LINGO2: variants seen among roughly 807,000 people sequenced by gnomAD.
The protein encoded by LINGO2 is leucine-rich repeat and immunoglobulin-like domain-containing nogo receptor-interacting protein 2.
In LINGO2, 14 loss-of-function variants were observed where a neutral mutation model predicts 30.6. The ratio of observed to expected loss-of-function variants is 0.46; its 90% confidence interval spans 0.30 to 0.72. LINGO2 has a LOEUF of 0.72. LINGO2 is among the 30% of genes least tolerant of loss of function. LINGO2 has a pLI of 0.07. For synonymous variants in LINGO2, 317 were observed against 288.5 expected, an observed-to-expected ratio of 1.10 and a Z score of -1.00; for missense variants, 729 against 751.7, an observed-to-expected ratio of 0.97 and a Z score of 0.35.
chr9:28,979,455 A>C, the LINGO2 span, among the ~76,000 whole-genome samples: 5 of 151,806 alleles, frequency 3.3e-5, no homozygotes, highest in African/African-American at 1.2e-4. Flanking sequence ...CTCATGTCCA[A>C]ATATATCACA....
At chr9:28,611,335 C>T (rs1825905963) in intron 1 of LINGO2, among the ~76,000 whole-genome samples, 1 of 151,242 alleles carries the variant, frequency 6.6e-6, no homozygotes, top group Non-Finnish European at 1.5e-5. Context: ...TCCATCATCT[C>T]ACAATGTTAA....
chr9:28,198,439 G>A (rs971487425), intron 4 of LINGO2, among the ~76,000 whole-genome samples: 3 of 152,086 alleles, frequency 2.0e-5, no homozygotes, highest in African/African-American at 7.2e-5. Flanking sequence ...GGCAACAGAA[G>A]CCAATTTACT....
At chr9:28,717,398 G>A in the LINGO2 span, among the ~76,000 whole-genome samples, 8 of 151,394 alleles carry the variant, frequency 5.3e-5, no homozygotes, top group Admixed American at 5.3e-4. Context: ...TGTTATTAAG[G>A]TCTAGGGACA....
At chr9:29,102,361 G>T in the LINGO2 span, among the ~76,000 whole-genome samples, 1 of 152,086 alleles carries the variant, frequency 6.6e-6, no homozygotes, top group Admixed American at 6.6e-5. Flanking sequence ...GATTACAGGC[G>T]TGAGCCACCA....
chr9:28,950,438 A>G, the LINGO2 span, among the ~76,000 whole-genome samples: 1 of 152,184 alleles, frequency 6.6e-6, no homozygotes, highest in African/African-American at 2.4e-5. Flanking sequence ...TCAAATAGGA[A>G]GAGAGAAAGT....
At chr9:27,939,728 C>G in the LINGO2 span, 4 of 152,280 alleles carry the variant, frequency 2.6e-5, no homozygotes, top group East Asian at 7.7e-4. Flanking sequence ...GCTAATAGCC[C>G]ATGGCTAAAG....
chr9:28,348,188 C>T (rs372706689), intron 3 of LINGO2, among the ~76,000 whole-genome samples: 76 of 152,210 alleles, frequency 5.0e-4, no homozygotes, highest in South Asian at 2.7e-3. Flanking sequence ...CAGCTCCCAG[C>T]GTGAGCGACG....
At chr9:29,109,376 G>A in the LINGO2 span, among the ~76,000 whole-genome samples, 2 of 151,852 alleles carry the variant, frequency 1.3e-5, no homozygotes, top group Non-Finnish European at 2.9e-5. Context: ...TATAAAAGAA[G>A]AAAAAATGAT....
At position 28,592,706 on chromosome 9, in the gene LINGO2, C is replaced by T. The variant is rs1248248657; in HGVS notation, c.-365+77494G>A. On this transcript the variant is annotated intron_variant, in intron 1 of 5. Transcript: ENST00000379992. ...GTTATTTTTAGTCAGGCCTGAGTCA[C>T]AGACCAACCCTTGGAGAAAGGATAT... is the stretch of plus-strand genomic sequence containing the variant. Among the ~76,000 whole-genome samples the T allele has an allele frequency of 2.0e-5, 3 of 152,124 alleles. No individual in the cohort carries two copies. The East Asian group carries it at 5.8e-4, about 30-fold the overall frequency.
At chr9:28,556,001 T>C (rs552409710) in intron 1 of LINGO2, among the ~76,000 whole-genome samples, 9 of 152,188 alleles carry the variant, frequency 5.9e-5, no homozygotes, top group South Asian at 2.1e-4. Context: ...TATTTCAAAA[T>C]AATATGAGCT....
the LINGO2 span, among the ~76,000 whole-genome samples, chr9:28,936,658 A>G: frequency 6.6e-6 from 1 of 152,208 alleles, no homozygotes; most frequent in Non-Finnish European, 1.5e-5. Flanking sequence ...GTTAATAATT[A>G]GTGTTAAAAG....
chr9:28,631,659 T>C (rs1221077090), intron 1 of LINGO2, among the ~76,000 whole-genome samples: 1 of 152,082 alleles, frequency 6.6e-6, no homozygotes, highest in African/African-American at 2.4e-5. Context: ...ATTTTATTGC[T>C]TGAGGAGTCC....
At chr9:28,133,893 C>T (rs914047429) in intron 4 of LINGO2, among the ~76,000 whole-genome samples, 1 of 152,194 alleles carries the variant, frequency 6.6e-6, no homozygotes, top group South Asian at 2.1e-4. Flanking sequence ...TTTATATCTT[C>T]AGTCCAGATT....
At chr9:28,170,923 C>T (rs1161818611) in intron 4 of LINGO2, among the ~76,000 whole-genome samples, 1 of 152,182 alleles carries the variant, frequency 6.6e-6, no homozygotes, top group Non-Finnish European at 1.5e-5. Flanking sequence ...GTTACATAAG[C>T]TAACATATTT....
At chr9:28,054,495 A>G (rs62556471) in intron 4 of LINGO2, among the ~76,000 whole-genome samples, 10,648 of 152,212 alleles carry the variant, frequency 0.07, 502 homozygotes, top group Non-Finnish European at 0.11. Flanking sequence ...AACGTAGTAT[A>G]TATTAGGTAT....
the LINGO2 span, among the ~76,000 whole-genome samples, chr9:29,107,936 G>A: frequency 6.6e-6 from 1 of 151,738 alleles, no homozygotes; most frequent in Non-Finnish European, 1.5e-5. Flanking sequence ...TACTGAGAGA[G>A]TATTCTATGA....
chr9:29,020,508 T>C, the LINGO2 span, among the ~76,000 whole-genome samples: 2 of 152,298 alleles, frequency 1.3e-5, no homozygotes, highest in African/African-American at 4.8e-5. Context: ...TAAAGATCTC[T>C]AGAATATGAC....
intron 2 of LINGO2, among the ~76,000 whole-genome samples, chr9:28,437,621 T>A (rs1484833948): frequency 1.3e-5 from 2 of 151,724 alleles, no homozygotes; most frequent in Non-Finnish European, 2.9e-5. Flanking sequence ...ATCACTTCTA[T>A]CTCTCTGGAA....
At chr9:28,172,163 G>A (rs1001376257) in intron 4 of LINGO2, among the ~76,000 whole-genome samples, 23 of 150,230 alleles carry the variant, frequency 1.5e-4, no homozygotes, top group Admixed American at 4.6e-4. Flanking sequence ...AGGCCGAGGC[G>A]GGCGGATCAC....
Sources: gnomAD v4.1 joint callset for allele counts (sites outside exome capture counted in the v4.1 genomes callset) on GRCh38, gnomAD v4.1.1 for gene constraint, MANE v1.5 for transcripts, NCBI Gene and HGNC (gene_info 2026-07-23, HGNC 2026-07-21) for gene names.